The following SCYL3 variants were observed in gnomAD, a reference collection of about 807,000 sequenced individuals.
The protein encoded by SCYL3 is protein-associating with the carboxyl-terminal domain of ezrin.
In SCYL3, 35 loss-of-function variants were observed where a neutral mutation model predicts 73.8. That is an observed-to-expected ratio of 0.47 (90% CI 0.36 to 0.63). SCYL3 has a LOEUF of 0.63. Ranked by LOEUF, SCYL3 falls within the 20% of genes least tolerant of loss-of-function variation. The pLI is 0.00. For synonymous variants in SCYL3, 277 were observed against 295.2 expected (o/e 0.94, Z 0.63); for missense variants, 712 against 798.9 (o/e 0.89, Z 1.31).
intron 2 of SCYL3, among the ~76,000 whole-genome samples, chr1:169,881,483 T>C (rs1661255170): frequency 6.6e-6 from 1 of 152,214 alleles, no homozygotes; most frequent in South Asian, 2.1e-4. Flanking sequence ...AATCGATTAC[T>C]GTAAACTAGT....
intron 2 of SCYL3, 48 bp downstream of exon 2, chr1:169,888,628 C>A: frequency 6.9e-7 from 1 of 1,457,600 alleles, no homozygotes; most frequent in Non-Finnish European, 9.4e-7. Context: ...TAAAAGAAAA[C>A]AAGATAGTAA....
In SCYL3 at chr1:169,862,221, A is replaced by G. The variant is rs1330107156; in HGVS notation, c.1140+392T>C. On this transcript the variant is annotated intron_variant, in intron 10 of 12. Coordinates refer to ENST00000367771, the MANE Select transcript of SCYL3 (RefSeq NM_020423.7). The stretch of plus-strand genomic sequence containing the variant: ...AAAACCCTTTGGTGGGCAAATCATA[A>G]TAAGGTTCCCTAGTGGCTGATAACA... Among the ~76,000 whole-genome samples, 6 of 152,382 alleles carry G rather than the reference A, an allele frequency of 3.9e-5. No homozygotes were observed. The East Asian group carries it at 1.2e-3, about 29-fold the overall frequency.
chr1:169,856,636 C>T (rs1659192489), intron 11 of SCYL3, among the ~76,000 whole-genome samples: 1 of 152,152 alleles, frequency 6.6e-6, no homozygotes, highest in Admixed American at 6.5e-5. Flanking sequence ...GCCCTCCACT[C>T]ATTTGTGCCA....
chr1:169,890,553 GGT>G (rs1427933451), intron 1 of SCYL3, among the ~76,000 whole-genome samples: 1 of 151,954 alleles, frequency 6.6e-6, no homozygotes, highest in Non-Finnish European at 1.5e-5. Context: ...TTCTACACTG[GGT>G]ATGTAATGCT....
At chr1:169,887,508 A>G (rs1029022677) in intron 2 of SCYL3, among the ~76,000 whole-genome samples, 1 of 152,252 alleles carries the variant, frequency 6.6e-6, no homozygotes, top group Non-Finnish European at 1.5e-5. Context: ...TTATTAGATG[A>G]AAATAACAGG....
chr1:169,859,291 G>A, intron 10 of SCYL3, 79 bp from the exon 11 acceptor site: 1 of 1,358,382 alleles, frequency 7.4e-7, no homozygotes, highest in Non-Finnish European at 1.0e-6. Flanking sequence ...CAATTGGGCT[G>A]CAAACAGATT....
chr1:169,852,554 G>A lies in SCYL3; in HGVS notation c.*1159C>T. On this transcript the variant is annotated 3_prime_UTR_variant, in exon 13 of 13. Transcript: ENST00000367771. ...GGGAGCCCTTTGGGACAGGATACTT[G>A]TTGTATACCACATACAAACTAAGAC... 1.1e-5 allele frequency: 6 copies of A among 533,086 alleles called. No individual in the cohort carries two copies. The South Asian group carries it at 1.4e-4, about 13-fold the overall frequency. The allele number at this position is 533,086 out of a possible 1,614,324, so 33.0% of individuals were successfully genotyped here.
chr1:169,876,424 A>G (rs1182619426), intron 3 of SCYL3, among the ~76,000 whole-genome samples: 2 of 152,220 alleles, frequency 1.3e-5, no homozygotes, highest in African/African-American at 4.8e-5. Flanking sequence ...GGGGATATAC[A>G]TGTTCTTAAA....
intron 2 of SCYL3, among the ~76,000 whole-genome samples, chr1:169,884,449 C>T (rs1661531843): frequency 6.6e-6 from 1 of 152,114 alleles, no homozygotes; most frequent in African/African-American, 2.4e-5. Context: ...AGGCGCCCAC[C>T]ACCATGCCTG....
At chr1:169,856,041 G>A in intron 11 of SCYL3, 2 of 1,187,222 alleles carry the variant, frequency 1.7e-6, no homozygotes, top group East Asian at 2.4e-5. Flanking sequence ...GCATAGTTAA[G>A]TGAAATGGGT....
chr1:169,876,958 T>TAAAAA (rs61051062), intron 3 of SCYL3, among the ~76,000 whole-genome samples: 1,092 of 76,480 alleles, frequency 0.014, 19 homozygotes, highest in Middle Eastern at 0.018. Context: ...TTGTCTCAAA[T>TAAAAA]AAAAAAAAAA....
In SCYL3 at chr1:169,888,237, G is replaced by A. The variant is rs534644619; in HGVS notation, c.165+439C>T. On this transcript the variant is annotated intron_variant, in intron 2 of 12. Transcript: ENST00000367771. Reference sequence around the variant, plus strand: ...TGTCAGACAGCATGCTAATGCACTGGCACCCTCTGCCTGGAGCAACAATTA... The same window carrying A: ...TGTCAGACAGCATGCTAATGCACTGACACCCTCTGCCTGGAGCAACAATTA... Among the ~76,000 whole-genome samples, 14 of 152,306 alleles carry A rather than the reference G, an allele frequency of 9.2e-5. No homozygotes were observed. The East Asian group carries it at 2.7e-3, about 29-fold the overall frequency.
At position 169,864,518 on chromosome 1, in the gene SCYL3, A is replaced by G. The variant is rs1450883691; in HGVS notation, c.816-10T>C. On this transcript the variant is annotated splice_polypyrimidine_tract_variant and intron_variant, in intron 8 of 12. Transcript: ENST00000367771. Reference sequence around the variant, plus strand: ...TCTGTCCAGCAGAAATCTGAGGACAAAAAGGGAAAGCCCAGGAAACTGGTC... The same window carrying G: ...TCTGTCCAGCAGAAATCTGAGGACAGAAAGGGAAAGCCCAGGAAACTGGTC... The G allele has an allele frequency of 3.8e-6, 6 of 1,580,070 alleles. No individual in the cohort carries two copies. In the East Asian group the frequency reaches 1.3e-4, roughly 35 times the overall value.
intron 2 of SCYL3, among the ~76,000 whole-genome samples, chr1:169,887,427 GA>G (rs901811894): frequency 4.0e-5 from 6 of 151,532 alleles, no homozygotes; most frequent in African/African-American, 1.5e-4. Context: ...ATCTTATAAA[GA>G]AAAAAATACT....
intron 2 of SCYL3, among the ~76,000 whole-genome samples, chr1:169,886,586 A>C (rs544733445): frequency 5.0e-4 from 76 of 152,318 alleles, no homozygotes; most frequent in South Asian, 1.2e-3. Flanking sequence ...AATCATTTTT[A>C]TAAGCTTTAA....
rs187301960 is a variant in SCYL3 at position 169,888,253 on chromosome 1, G to A, written c.165+423C>T. Among the ~76,000 whole-genome samples the A allele has an allele frequency of 1.1e-3, 163 of 152,332 alleles. 1 individual carries two copies. The highest frequency in any genetic ancestry group is 3.8e-3 in the African/African-American group (156 of 41,576). On this transcript the variant is annotated intron_variant, in intron 2 of 12. Coordinates refer to ENST00000367771, the MANE Select transcript of SCYL3 (RefSeq NM_020423.7). ...AATGCACTGGCACCCTCTGCCTGGA[G>A]CAACAATTATAAGGCATGAACTACA...
At chr1:169,878,932 A>T in intron 2 of SCYL3, 113 bp from the exon 3 acceptor site, 1 of 863,274 alleles carries the variant, frequency 1.2e-6, no homozygotes, top group Non-Finnish European at 1.8e-6. Flanking sequence ...GGCTCTTTTG[A>T]GCTCCCTACC....
At chr1:169,881,776 T>G (rs1309816178) in intron 2 of SCYL3, among the ~76,000 whole-genome samples, 1 of 152,136 alleles carries the variant, frequency 6.6e-6, no homozygotes, top group Non-Finnish European at 1.5e-5. Flanking sequence ...TGAACACAAT[T>G]TTTTCATGGA....
rs566104158 is a variant in SCYL3, at chr1:169,864,832, C to T, written c.816-324G>A. 8.5e-5 allele frequency among the ~76,000 whole-genome samples: 13 copies of T among 152,098 alleles called. No homozygotes were observed. In the South Asian group the frequency reaches 1.7e-3, roughly 19 times the overall value. On this transcript the variant is annotated intron_variant, in intron 8 of 12. Coordinates refer to ENST00000367771, the MANE Select transcript of SCYL3 (RefSeq NM_020423.7). ...AAAATTAGCCGGGCGTGGTGGCAGA[C>T]GCCTGTAATCCCAGCTACTCGGGGC...
Sources: allele counts gnomAD v4.1 joint callset (sites outside exome capture counted in the v4.1 genomes callset), GRCh38; gene constraint gnomAD v4.1.1; transcripts MANE v1.5; gene names NCBI Gene and HGNC (gene_info 2026-07-23, HGNC 2026-07-21).